The following PRELID2 variants were observed in gnomAD, a reference collection of about 807,000 sequenced individuals.
PRELID2 encodes PRELI domain containing 2.
In PRELID2, 25 loss-of-function variants were observed where a neutral mutation model predicts 28.4. That is an observed-to-expected ratio of 0.88 (90% CI 0.64 to 1.23). The LOEUF is 1.23. Among genes scored for constraint, PRELID2 ranks in the 50% most tolerant of loss-of-function variants. The pLI is 0.00. For synonymous variants in PRELID2, 76 were observed against 71.6 expected, an observed-to-expected ratio of 1.06 and a Z score of -0.31; for missense variants, 201 against 214.4, an observed-to-expected ratio of 0.94 and a Z score of 0.39.
chr5:145,826,074 A>C, intron 1 of PRELID2: 3 of 985,428 alleles, frequency 3.0e-6, no homozygotes, highest in Non-Finnish European at 3.6e-6. Context: ...TGCAGAATTG[A>C]TCAAGCTGAA....
chr5:145,384,410 T>C, the PRELID2 span, among the ~76,000 whole-genome samples: 1 of 152,220 alleles, frequency 6.6e-6, no homozygotes, highest in Admixed American at 6.5e-5. Flanking sequence ...TACAATGGAA[T>C]GTTTTTCTAG....
chr5:145,336,521 A>C, the PRELID2 span, among the ~76,000 whole-genome samples: 1 of 151,916 alleles, frequency 6.6e-6, no homozygotes, highest in Non-Finnish European at 1.5e-5. Flanking sequence ...CACCATTTAT[A>C]AAATAGGGAA....
At chr5:145,250,994 T>C in the PRELID2 span, among the ~76,000 whole-genome samples, 6 of 152,270 alleles carry the variant, frequency 3.9e-5, no homozygotes, top group Non-Finnish European at 8.8e-5. Flanking sequence ...ATAAAAGTTA[T>C]TTTAAAACAT....
the PRELID2 span, among the ~76,000 whole-genome samples, chr5:145,261,143 C>G: frequency 6.6e-6 from 1 of 152,118 alleles, no homozygotes; most frequent in Admixed American, 6.5e-5. Context: ...CACTCCCATC[C>G]CCCACAGCAG....
At chr5:145,811,251 G>T (rs1581250623) in intron 4 of PRELID2, among the ~76,000 whole-genome samples, 1 of 151,904 alleles carries the variant, frequency 6.6e-6, no homozygotes, top group African/African-American at 2.4e-5. Flanking sequence ...ATGACATATG[G>T]GAATTGTGTG....
intron 4 of PRELID2, among the ~76,000 whole-genome samples, chr5:145,799,797 G>A (rs1252797825): frequency 6.6e-6 from 1 of 152,108 alleles, no homozygotes; most frequent in Non-Finnish European, 1.5e-5. Flanking sequence ...GGTAACGGTG[G>A]CTTGTCTTCT....
the PRELID2 span, among the ~76,000 whole-genome samples, chr5:145,235,713 C>T: frequency 2.0e-4 from 30 of 152,128 alleles, no homozygotes; most frequent in African/African-American, 7.2e-4. Flanking sequence ...ACAAATGCCA[C>T]ACTTATGTGT....
At chr5:145,755,603 A>G (rs898047353), downstream of PRELID2, among the ~76,000 whole-genome samples, 10 of 152,226 alleles carry the variant, frequency 6.6e-5, no homozygotes, top group African/African-American at 2.4e-4. Context: ...AATGGCTGGT[A>G]TCATTGCTTT....
the PRELID2 span, among the ~76,000 whole-genome samples, chr5:145,298,455 A>G: frequency 6.6e-6 from 1 of 152,194 alleles, no homozygotes; most frequent in African/African-American, 2.4e-5. Context: ...CTTACACCTT[A>G]TACAAAAATT....
At chr5:145,252,529 A>T in the PRELID2 span, among the ~76,000 whole-genome samples, 1 of 152,162 alleles carries the variant, frequency 6.6e-6, no homozygotes, top group Non-Finnish European at 1.5e-5. Flanking sequence ...AGTGCTTAAC[A>T]TAATTCCTAG....
intron 4 of PRELID2, among the ~76,000 whole-genome samples, chr5:145,804,248 C>G (rs770782134): frequency 2.0e-5 from 3 of 152,104 alleles, no homozygotes; most frequent in Non-Finnish European, 4.4e-5. Flanking sequence ...ATATACCTCA[C>G]GCCTGAAATC....
the PRELID2 span, among the ~76,000 whole-genome samples, chr5:145,395,604 T>C: frequency 6.6e-6 from 1 of 152,190 alleles, no homozygotes; most frequent in African/African-American, 2.4e-5. Context: ...TTGCGTGGTA[T>C]TGAGTAAAAG....
chr5:145,572,267 T>C (rs552691196), intron 1 of PRELID2, among the ~76,000 whole-genome samples: 4 of 152,352 alleles, frequency 2.6e-5, no homozygotes, highest in East Asian at 3.9e-4. Flanking sequence ...TGATGTCTTA[T>C]GTCTCCATAA....
the PRELID2 span, among the ~76,000 whole-genome samples, chr5:145,269,498 A>T: frequency 1.6e-4 from 25 of 152,164 alleles, no homozygotes; most frequent in Admixed American, 1.6e-3. Context: ...AAAATAAATC[A>T]TAGACAAAAT....
chr5:145,726,527 T>C (rs1756171279), intron 1 of PRELID2, among the ~76,000 whole-genome samples: 1 of 152,026 alleles, frequency 6.6e-6, no homozygotes, highest in African/African-American at 2.4e-5. Context: ...GATGGATAAG[T>C]AGATGATTAA....
chr5:145,371,249 T>C, the PRELID2 span, among the ~76,000 whole-genome samples: 1 of 152,140 alleles, frequency 6.6e-6, no homozygotes, highest in Non-Finnish European at 1.5e-5. Context: ...TGGCTGTGTA[T>C]TTGTCATAAA....
the PRELID2 span, among the ~76,000 whole-genome samples, chr5:145,299,405 A>T: frequency 6.6e-6 from 1 of 152,302 alleles, no homozygotes; most frequent in South Asian, 2.1e-4. Context: ...TGTTTAATCT[A>T]TAGGCTTTCC....
At chr5:145,580,956 G>C (rs1753102532) in intron 1 of PRELID2, among the ~76,000 whole-genome samples, 1 of 151,938 alleles carries the variant, frequency 6.6e-6, no homozygotes, top group South Asian at 2.1e-4. Context: ...TCAATATTCT[G>C]AGTACGAATT....
At chr5:145,297,331 G>A in the PRELID2 span, among the ~76,000 whole-genome samples, 2 of 152,062 alleles carry the variant, frequency 1.3e-5, no homozygotes, top group Non-Finnish European at 2.9e-5. Flanking sequence ...TTTAGGAAAT[G>A]TAATCCAGCA....
Sources: gnomAD v4.1 joint callset for allele counts (sites outside exome capture counted in the v4.1 genomes callset) on GRCh38, gnomAD v4.1.1 for gene constraint, MANE v1.5 for transcripts, NCBI Gene and HGNC (gene_info 2026-07-23, HGNC 2026-07-21) for gene names.